The following TTN variants were observed in gnomAD, a reference collection of about 807,000 sequenced individuals.
TTN encodes the protein titin.
A neutral mutation model predicts 3,223.0 loss-of-function variants in TTN; 1,525 were observed. The observed-to-expected ratio is 0.47, with a 90% CI of 0.45 to 0.49. TTN has a LOEUF of 0.49. Ranked by LOEUF, TTN falls within the 20% of genes least tolerant of loss-of-function variation. The pLI is 0.00. For missense variants in TTN, 40,786 were observed against 43,424.0 expected (o/e 0.94, Z 5.40); for synonymous variants, 14,094 against 15,161.0 (o/e 0.93, Z 5.17).
Position 178,775,569 on chromosome 2 carries a change from C to A in TTN, c.6295G>T (p.Val2099Phe), listed in dbSNP as rs1055695339. 3 of 1,613,910 alleles carry A rather than the reference C, an allele frequency of 1.9e-6. No homozygotes were observed. The African/African-American group carries it at 4.0e-5, about 22-fold the overall frequency. ...VGQGSDAHFR[V>F]RVVGKPDPEC... ...GGGTCTGGTTTCCCCACGACTCTGA[C>A]CCGGAAGTGTGCATCAGATCCTTGG... is the stretch of plus-strand genomic sequence containing the variant. The change falls in exon 28 of 363, where the codon GTC (valine) becomes TTC (phenylalanine). Residue 2099 changes from valine to phenylalanine, a missense_variant. Coordinates refer to ENST00000589042, the MANE Select transcript of TTN (RefSeq NM_001267550.2).
At chr2:178,746,508 G>A in intron 47 of TTN, 1 of 1,613,114 alleles carries the variant, frequency 6.2e-7, no homozygotes, top group Non-Finnish European at 8.5e-7. Flanking sequence ...GATGTGGTGT[G>A]TTCCAAATCA....
chr2:178,543,609 C>G lies in TTN; in HGVS notation c.96364G>C (p.Val32122Leu). The G allele has an allele frequency of 6.9e-6, 11 of 1,604,522 alleles. No individual in the cohort carries two copies. The highest frequency in any genetic ancestry group is 9.3e-6 in the Non-Finnish European group (11 of 1,179,364). ...GTGGGAATTTCCCAAGTTATAGTCA[C>G]AGAATCTCTTGATACTTCCTTAACT... is the stretch of plus-strand genomic sequence containing the variant. ...VKVKEVSRDS[V>L]TITWEIPTID... Residue 32122 changes from valine to leucine, a missense_variant, in exon 347 of 363, where the codon GTG becomes CTG. Transcript: ENST00000589042.
chr2:178,543,840 C>T lies in TTN; in HGVS notation c.96304G>A (p.Val32102Ile), dbSNP rs1297124100. Residue 32102 changes from valine to isoleucine, a missense_variant, in exon 346 of 363, where the codon GTC becomes ATC. Physicochemically the swap from Val to Ile is conservative, Grantham distance 29. Coordinates refer to ENST00000589042, the MANE Select transcript of TTN (RefSeq NM_001267550.2). The part of the protein sequence containing the change: ...GKKSATVLVK[V>I]YDTPGPCPSV... ...TTTTAAGTAAAATGCTTACCATAGA[C>T]TTTAACAAGGACTGTTGCTGATTTC... 1 of 1,613,410 alleles carries T rather than the reference C, an allele frequency of 6.2e-7. No homozygotes were observed. The highest frequency in any genetic ancestry group is 1.7e-5 in the Admixed American group (1 of 60,000).
chr2:178,558,516 T>C lies in TTN; in HGVS notation c.86943A>G (p.Ala28981=). Residue 28981 remains alanine (A), a synonymous_variant, in exon 327 of 363, where the codon GCA becomes GCG. Coordinates refer to ENST00000589042, the MANE Select transcript of TTN (RefSeq NM_001267550.2). ...GSRIVHYVVE[A]LEKGQKNWVK... is the part of the protein sequence containing the mutation. The stretch of plus-strand genomic sequence containing the variant: ...CCCAGTTTTTCTGTCCTTTTTCTAG[T>C]GCTTCAACGACATAGTGTACAATTC... 1.2e-6 allele frequency: 2 copies of C among 1,613,818 alleles called. No individual in the cohort carries two copies. The highest frequency in any genetic ancestry group is 1.7e-6 in the Non-Finnish European group (2 of 1,179,808).
chr2:178,773,645 G>A lies in TTN; in HGVS notation c.7411C>T (p.Pro2471Ser), dbSNP rs1208886109. The change falls in exon 32 of 363, where the codon CCT becomes TCT. Residue 2471 changes from proline (P) to serine (S), a missense_variant. Transcript: ENST00000589042. ...TACCACTTAACAGAAGTCACATCAG[G>A]GACTGACACCTTACATTCAAGCACA... ...KAVLECKVSV[P>S]DVTSVKWYLN... 6.2e-7 allele frequency: 1 copy of A among 1,613,888 alleles called. No homozygotes were observed. The highest frequency in any genetic ancestry group is 1.1e-5 in the South Asian group (1 of 91,076).
intron 120 of TTN, 42 bp downstream of exon 120, chr2:178,692,455 G>A: frequency 2.7e-6 from 4 of 1,502,994 alleles, no homozygotes; most frequent in Non-Finnish European, 2.7e-6. Flanking sequence ...AAAGATACAA[G>A]ATGGATGCTA....
intron 102 of TTN, 76 bp downstream of exon 102, chr2:178,706,378 G>T: frequency 6.9e-7 from 1 of 1,448,072 alleles, no homozygotes; most frequent in South Asian, 1.4e-5. Flanking sequence ...TTTCCACTGG[G>T]GCTGGTTGAC....
chr2:178,536,653 G>T, intron 356 of TTN, 78 bp from the exon 357 acceptor site: 2 of 1,242,918 alleles, frequency 1.6e-6, no homozygotes, highest in Non-Finnish European at 2.1e-6. Context: ...AAAAAAGAAT[G>T]TTATATGAGT....
Position 178,601,671 on chromosome 2 carries a change from T to G in TTN, c.55419A>C (p.Arg18473Ser). The stretch of plus-strand genomic sequence containing the variant: ...AGTCTTTCTTACCCATGACTTTAAC[T>G]CTGCAATTTGCAGTCTTTTGTCCTG... ...NKAGQKTANC[R>S]VKVMDVPGPP... is the part of the protein sequence containing the mutation. The change falls in exon 286 of 363, where the codon AGA (arginine) becomes AGC (serine). Residue 18473 changes from arginine (R) to serine (S), a missense_variant. By Grantham distance (110) the Arg-to-Ser change is moderately radical. Transcript: ENST00000589042. 6.3e-7 allele frequency: 1 copy of G among 1,599,238 alleles called. No individual in the cohort carries two copies. Among genetic ancestry groups the G allele is most frequent in the Non-Finnish European group, 8.5e-7 (1 of 1,175,558 alleles).
At position 178,581,580 on chromosome 2, in the gene TTN, A is replaced by C; in HGVS notation, c.66688T>G (p.Phe22230Val). 1 of 1,612,670 alleles carries C rather than the reference A, an allele frequency of 6.2e-7. No individual in the cohort carries two copies. The highest frequency in any genetic ancestry group is 1.1e-5 in the South Asian group (1 of 91,044). Residue 22230 changes from phenylalanine (F) to valine (V), a missense_variant, in exon 316 of 363, where the codon TTC becomes GTC. By Grantham distance (50) the Phe-to-Val change is conservative. Transcript: ENST00000589042. ...TGLMEDTQYQFRVYAVNKIGY... is the reference protein window; with the variant it reads ...TGLMEDTQYQVRVYAVNKIGY... The stretch of plus-strand genomic sequence containing the variant: ...ATCTTATTAACGGCATACACACGGA[A>C]TTGATATTGTGTGTCTTCCATCAGG...
intron 159 of TTN, among the ~76,000 whole-genome samples, chr2:178,668,399 G>T (rs183480106): frequency 1.3e-5 from 2 of 152,024 alleles, no homozygotes; most frequent in Non-Finnish European, 2.9e-5. Flanking sequence ...TGAACAACAA[G>T]AAAGTTGAGT....
At chr2:178,720,303 G>GA in intron 80 of TTN, 39 bp from the exon 81 acceptor site, 1 of 1,595,594 alleles carries the variant, frequency 6.3e-7, no homozygotes, top group Non-Finnish European at 8.5e-7. Context: ...AAAAATGTGA[G>GA]AATCATGGCC....
chr2:178,804,176 C>G (rs928410968), intron 2 of TTN, among the ~76,000 whole-genome samples: 15 of 152,172 alleles, frequency 9.9e-5, no homozygotes, highest in African/African-American at 3.6e-4. Context: ...GACTGCCTAC[C>G]CCATGGCTCT....
At position 178,583,740 on chromosome 2, in the gene TTN, A is replaced by G; in HGVS notation, c.65442T>C (p.Ile21814=). The change falls in exon 312 of 363, where the codon ATT becomes ATC. Residue 21814 remains isoleucine, a synonymous_variant. Coordinates refer to ENST00000589042, the MANE Select transcript of TTN (RefSeq NM_001267550.2). ...WVRCNTAPHQ[I]PQEEYTATGL... ...CAGTAGCTGTGTACTCTTCCTGGGG[A>G]ATCTGGTGAGGTGCAGTATTGCACC... is the stretch of plus-strand genomic sequence containing the variant. The G allele has an allele frequency of 6.2e-7, 1 of 1,612,268 alleles. No individual in the cohort carries two copies.
At chr2:178,709,443 T>C in intron 99 of TTN, 123 bp downstream of exon 99, 1 of 1,019,122 alleles carries the variant, frequency 9.8e-7, no homozygotes, top group Non-Finnish European at 1.4e-6. Flanking sequence ...AAATACACAG[T>C]TAAATAATGT....
rs1167936410 is a variant in TTN, at chr2:178,546,810, C to T, written c.94618G>A (p.Gly31540Ser). The change falls in exon 341 of 363, where the codon GGC becomes AGC. Residue 31540 changes from glycine to serine, a missense_variant. Coordinates refer to ENST00000589042, the MANE Select transcript of TTN (RefSeq NM_001267550.2). ...PAYDGGSKVV[G>S]YIIERKPVSE... Reference sequence around the variant, plus strand: ...ACTGGCTTACGCTCTATGATGTAGCCCACAACCTTGCTGCCTCCATCATAC... The same window carrying T: ...ACTGGCTTACGCTCTATGATGTAGCTCACAACCTTGCTGCCTCCATCATAC... 2 of 1,612,686 alleles carry T rather than the reference C, an allele frequency of 1.2e-6. No homozygotes were observed. The highest frequency in any genetic ancestry group is 1.7e-5 in the Admixed American group (1 of 59,968).
chr2:178,623,069 T>C (rs990627038), intron 242 of TTN, among the ~76,000 whole-genome samples: 1 of 151,854 alleles, frequency 6.6e-6, no homozygotes, highest in African/African-American at 2.4e-5. Flanking sequence ...GGAGGAAAAA[T>C]CTTCATTTGC....
chr2:178,744,713 T>G (rs2083144759), intron 47 of TTN: 2 of 981,896 alleles, frequency 2.0e-6, no homozygotes, highest in South Asian at 9.4e-5. Context: ...TTAAAGATTC[T>G]GAAATCAGAA....
chr2:178,554,159 G>C lies in TTN; in HGVS notation c.88952C>G (p.Thr29651Ser). The stretch of plus-strand genomic sequence containing the variant: ...TGCAATTGGCCTGCTCCATACAACA[G>C]TCATCGAATTCTTGGTAATCTTTGT... ...EVTKITKNSM[T>S]VVWSRPIADG... The change falls in exon 333 of 363, where the codon ACT (threonine) becomes AGT (serine). Residue 29651 changes from threonine (T) to serine (S), a missense_variant. Thr to Ser is a moderately conservative substitution (Grantham distance 58, BLOSUM62 1). Coordinates refer to ENST00000589042, the MANE Select transcript of TTN (RefSeq NM_001267550.2). 1 of 1,611,090 alleles carries C rather than the reference G, an allele frequency of 6.2e-7. No homozygotes were observed.
Sources: allele counts gnomAD v4.1 joint callset (sites outside exome capture counted in the v4.1 genomes callset), GRCh38; gene constraint gnomAD v4.1.1; transcripts MANE v1.5; gene names NCBI Gene and HGNC (gene_info 2026-07-23, HGNC 2026-07-21).